DCC: variants seen among roughly 807,000 people sequenced by gnomAD.
DCC encodes the protein netrin receptor DCC.
A neutral mutation model predicts 172.5 loss-of-function variants in DCC; 58 were observed. The observed-to-expected ratio is 0.34, with a 90% CI of 0.27 to 0.42. The LOEUF (loss-of-function observed/expected upper bound fraction) is 0.42. Ranked by LOEUF, DCC falls within the 10% of genes least tolerant of loss-of-function variation. The pLI, the probability that DCC is intolerant of heterozygous loss-of-function variation, is 1.00. For missense variants in DCC, 1,740 were observed against 1,791.0 expected (o/e 0.97, Z 0.51); for synonymous variants, 709 against 644.5 (o/e 1.10, Z -1.52).
At chr18:52,400,332 C>T (rs969782380) in intron 1 of DCC, among the ~76,000 whole-genome samples, 2 of 151,922 alleles carry the variant, frequency 1.3e-5, no homozygotes, top group African/African-American at 2.4e-5. Context: ...CTTCAAATTT[C>T]CTAAACAAAA....
rs141852425 is a variant in DCC, at chr18:53,260,032, G to A, written c.1911+44435G>A. ...CTTTTGCATTCGTCATGTATTTCTC[G>A]TGCCATGGTTTTCAGCTCCATCAGG... On this transcript the variant is annotated intron_variant, in intron 12 of 28. Coordinates refer to ENST00000442544, the MANE Select transcript of DCC (RefSeq NM_005215.4). 3.4e-4 allele frequency among the ~76,000 whole-genome samples: 52 copies of A among 152,082 alleles called. 1 individual carries two copies. Among genetic ancestry groups the A allele is most frequent in the Middle Eastern group, 3.4e-3 (1 of 294 alleles).
chr18:53,144,988 G>A (rs1485338534), intron 7 of DCC, among the ~76,000 whole-genome samples: 1 of 151,112 alleles, frequency 6.6e-6, no homozygotes, highest in Non-Finnish European at 1.5e-5. Context: ...TAGAACCAGT[G>A]TGCTATATGG....
intron 5 of DCC, among the ~76,000 whole-genome samples, chr18:52,987,582 T>C (rs774199726): frequency 9.2e-5 from 14 of 152,306 alleles, no homozygotes; most frequent in Non-Finnish European, 1.8e-4. Context: ...TATCTCATTA[T>C]ATCACCATTA....
chr18:52,733,748 A>G (rs117412147), intron 1 of DCC, among the ~76,000 whole-genome samples: 5,542 of 152,192 alleles, frequency 0.036, 134 homozygotes, highest in Admixed American at 0.049. Flanking sequence ...CTCCTGCCTC[A>G]GCCTCCCAAA....
At chr18:52,957,231 T>G (rs2040759304) in intron 5 of DCC, among the ~76,000 whole-genome samples, 1 of 152,158 alleles carries the variant, frequency 6.6e-6, no homozygotes, top group Non-Finnish European at 1.5e-5. Context: ...ATTTGGAGTT[T>G]TCTAGCCATT....
At chr18:52,990,755 A>G (rs547050764) in intron 5 of DCC, among the ~76,000 whole-genome samples, 1 of 152,250 alleles carries the variant, frequency 6.6e-6, no homozygotes, top group South Asian at 2.1e-4. Flanking sequence ...TAAATTGTGT[A>G]AAAGAAACAA....
At chr18:53,481,643 G>C (rs2045833112) in intron 25 of DCC, among the ~76,000 whole-genome samples, 1 of 152,242 alleles carries the variant, frequency 6.6e-6, no homozygotes, top group Non-Finnish European at 1.5e-5. Flanking sequence ...CATTATCTTT[G>C]TCTCCTTCGT....
intron 1 of DCC, among the ~76,000 whole-genome samples, chr18:52,580,328 G>A (rs2033515822): frequency 6.6e-6 from 1 of 152,162 alleles, no homozygotes; most frequent in African/African-American, 2.4e-5. Flanking sequence ...CGCGATCTCG[G>A]CTCACTGCAG....
At chr18:53,501,430 A>G (rs2046095928) in intron 27 of DCC, among the ~76,000 whole-genome samples, 1 of 152,206 alleles carries the variant, frequency 6.6e-6, no homozygotes, top group Non-Finnish European at 1.5e-5. Context: ...TTAATAAGAA[A>G]AAGACTAATA....
At chr18:52,357,489 G>C (rs570116286) in intron 1 of DCC, among the ~76,000 whole-genome samples, 1 of 152,196 alleles carries the variant, frequency 6.6e-6, no homozygotes, top group African/African-American at 2.4e-5. Flanking sequence ...ATGTCCATGA[G>C]TACATACTGA....
intron 4 of DCC, among the ~76,000 whole-genome samples, chr18:52,924,695 C>T (rs1383507049): frequency 1.3e-5 from 2 of 151,962 alleles, no homozygotes; most frequent in Admixed American, 6.6e-5. Flanking sequence ...ATTTCATTTA[C>T]CTTAAATATT....
At chr18:53,070,786 C>A (rs1568284354) in intron 7 of DCC, among the ~76,000 whole-genome samples, 1 of 152,094 alleles carries the variant, frequency 6.6e-6, no homozygotes, top group South Asian at 2.1e-4. Flanking sequence ...GACAGGACAC[C>A]ATTGTGACTG....
intron 1 of DCC, among the ~76,000 whole-genome samples, chr18:52,687,480 T>C (rs964393083): frequency 6.6e-6 from 1 of 152,022 alleles, no homozygotes; most frequent in African/African-American, 2.4e-5. Flanking sequence ...AGACAAGGTT[T>C]CACCATGTTG....
chr18:52,366,255 G>C lies in DCC; in HGVS notation c.91+25377G>C, dbSNP rs993945105. ...TTCAAGAATGAAGCCACGGACCCTC[G>C]CGGTGAGTGTTACAGCTCTTAAAAG... On this transcript the variant is annotated intron_variant, in intron 1 of 28. Coordinates refer to ENST00000442544, the MANE Select transcript of DCC (RefSeq NM_005215.4). Among the ~76,000 whole-genome samples, 8 of 152,180 alleles carry C rather than the reference G, an allele frequency of 5.3e-5. No homozygotes were observed. The East Asian group carries it at 1.2e-3, about 22-fold the overall frequency.
chr18:52,548,626 C>G (rs952015549), intron 1 of DCC, among the ~76,000 whole-genome samples: 2 of 152,048 alleles, frequency 1.3e-5, no homozygotes, highest in African/African-American at 2.4e-5. Context: ...GTTTTCAATT[C>G]GAAAACTGGG....
intron 22 of DCC, among the ~76,000 whole-genome samples, chr18:53,450,120 G>GATAT (rs59116255): frequency 0.017 from 2,515 of 147,132 alleles, 22 homozygotes; most frequent in East Asian, 0.024. Context: ...ATCATAGGGG[G>GATAT]ATATATATAT....
chr18:53,435,237 A>G (rs1911862554), intron 22 of DCC, 28 bp downstream of exon 22: 1 of 1,374,614 alleles, frequency 7.3e-7, no homozygotes, highest in Non-Finnish European at 1.0e-6. Context: ...GTAATATTGA[A>G]TTAGTTATAT....
intron 1 of DCC, among the ~76,000 whole-genome samples, chr18:52,440,111 T>C (rs369028599): frequency 1.6e-4 from 25 of 152,314 alleles, no homozygotes; most frequent in African/African-American, 6.0e-4. Flanking sequence ...CTCTTTCCCA[T>C]GTGCTGTTTC....
At chr18:52,930,796 G>A (rs557788085) in intron 5 of DCC, among the ~76,000 whole-genome samples, 1 of 152,066 alleles carries the variant, frequency 6.6e-6, no homozygotes, top group Non-Finnish European at 1.5e-5. Flanking sequence ...ACTATGTTGT[G>A]TATGCCTTTG....
Sources: gnomAD v4.1 joint callset for allele counts (sites outside exome capture counted in the v4.1 genomes callset) on GRCh38, gnomAD v4.1.1 for gene constraint, MANE v1.5 for transcripts, NCBI Gene and HGNC (gene_info 2026-07-23, HGNC 2026-07-21) for gene names.